The following ASTN2 variants were observed in gnomAD, a reference collection of about 807,000 sequenced individuals.
ASTN2 encodes the protein astrotactin 2.
A neutral mutation model predicts 139.8 loss-of-function variants in ASTN2; 54 were observed. The observed-to-expected ratio is 0.39, with a 90% CI of 0.31 to 0.48. ASTN2 has a LOEUF of 0.48. ASTN2 is among the 20% of genes least tolerant of loss of function. The probability of loss-of-function intolerance (pLI) is 0.95; values close to 1 mark genes in which losing one functional copy is unlikely to be tolerated. For synonymous variants in ASTN2, 756 were observed against 719.5 expected (o/e 1.05, Z -0.81); for missense variants, 1,565 against 1,725.1 (o/e 0.91, Z 1.64).
chr9:117,196,797 T>C (rs1831518651), intron 3 of ASTN2, among the ~76,000 whole-genome samples: 1 of 152,180 alleles, frequency 6.6e-6, no homozygotes, highest in African/African-American at 2.4e-5. Context: ...TATAAAATGA[T>C]AACAACGATA....
At chr9:116,484,977 G>A (rs141697954) in intron 20 of ASTN2, among the ~76,000 whole-genome samples, 4 of 152,258 alleles carry the variant, frequency 2.6e-5, no homozygotes, top group South Asian at 2.1e-4. Flanking sequence ...CCCCTACAGC[G>A]TCACCCAGAG....
rs770486164 is a variant in ASTN2 at position 117,414,799 on chromosome 9, AGCGGCG to A, written c.134_139del (p.Pro45_Pro46del). 2.4e-6 allele frequency: 3 copies of A among 1,231,684 alleles called. No homozygotes were observed. The highest frequency in any genetic ancestry group is 3.2e-5 in the African/African-American group (2 of 62,086). The allele number at this position is 1,231,684 out of a possible 1,614,324, so 76.3% of individuals were successfully genotyped here. A position where few individuals can be genotyped will look rare whatever the true frequency, so the allele number is the denominator to read the frequency against. On this transcript the variant is annotated inframe_deletion, in exon 1 of 23. Transcript: ENST00000313400. This position sits in a 1 kb window ranked among gnomAD's most constrained non-coding sequence, Gnocchi z 4.2. ...GGCAGCGGCGGTGGCGCCGGCCAGC[AGCGGCG>A]GCGGCGGCAGCAGGAGCAGGAACAG...
At chr9:117,259,560 T>C (rs1833773365) in intron 2 of ASTN2, among the ~76,000 whole-genome samples, 1 of 152,190 alleles carries the variant, frequency 6.6e-6, no homozygotes, top group South Asian at 2.1e-4. Flanking sequence ...TTCATCTGCA[T>C]TATAAAACCT....
intron 2 of ASTN2, among the ~76,000 whole-genome samples, chr9:117,221,207 C>A (rs886655139): frequency 1.3e-5 from 2 of 152,078 alleles, no homozygotes; most frequent in African/African-American, 4.8e-5. Flanking sequence ...AATGCCAGTG[C>A]CTTCAGCTGG....
At chr9:117,375,550 TAG>T (rs1178645446) in intron 1 of ASTN2, among the ~76,000 whole-genome samples, 1 of 152,236 alleles carries the variant, frequency 6.6e-6, no homozygotes, top group African/African-American at 2.4e-5. Flanking sequence ...TAAATCCTAT[TAG>T]AGTCATCATT....
chr9:116,580,266 G>A lies in ASTN2; in HGVS notation c.3355+38058C>T, dbSNP rs375342712. ...ACATATACAGAGCAGAAGAGGCAGA[G>A]GTATGGGGCAGGGGAGAGGAAACAG... On this transcript the variant is annotated intron_variant, in intron 19 of 22. Transcript: ENST00000313400. 2.9e-4 allele frequency among the ~76,000 whole-genome samples: 44 copies of A among 152,330 alleles called. 2 individuals are homozygous for A. The highest frequency in any genetic ancestry group is 9.9e-4 in the African/African-American group (41 of 41,584).
chr9:117,385,464 G>A (rs1232612945), intron 1 of ASTN2, among the ~76,000 whole-genome samples: 3 of 152,224 alleles, frequency 2.0e-5, no homozygotes, highest in Non-Finnish European at 2.9e-5. Context: ...GGGGAGGCAA[G>A]GGGAGGGGAA....
At chr9:116,999,554 T>C (rs1428992189) in intron 7 of ASTN2, among the ~76,000 whole-genome samples, 1,769 of 61,506 alleles carry the variant, frequency 0.029, 116 homozygotes, top group African/African-American at 0.079. Flanking sequence ...CTTTCTTTTT[T>C]TTTTTTTTTT....
At chr9:116,477,997 G>C (rs1849043631) in intron 20 of ASTN2, among the ~76,000 whole-genome samples, 1 of 150,734 alleles carries the variant, frequency 6.6e-6, no homozygotes, top group Non-Finnish European at 1.5e-5. Flanking sequence ...AGAGGGCAGA[G>C]GGGGAAATAA....
At chr9:117,034,211 G>C (rs1202273240) in intron 6 of ASTN2, among the ~76,000 whole-genome samples, 1 of 152,080 alleles carries the variant, frequency 6.6e-6, no homozygotes, top group Admixed American at 6.6e-5. Flanking sequence ...GACCACATTG[G>C]GTGAATATAT....
chr9:117,111,788 C>T (rs1473070547), intron 4 of ASTN2, among the ~76,000 whole-genome samples: 1 of 151,932 alleles, frequency 6.6e-6, no homozygotes, highest in Non-Finnish European at 1.5e-5. Flanking sequence ...TATAGACACC[C>T]TTGCTTTAGC....
intron 16 of ASTN2, among the ~76,000 whole-genome samples, chr9:116,703,831 C>G (rs149375059): frequency 6.6e-6 from 1 of 152,050 alleles, no homozygotes; most frequent in South Asian, 2.1e-4. Context: ...GACTAGGATG[C>G]TGATTTGCAC....
intron 11 of ASTN2, among the ~76,000 whole-genome samples, chr9:116,839,881 A>ATTTTT (rs71502081): frequency 1.1e-3 from 137 of 127,966 alleles, no homozygotes; most frequent in South Asian, 3.3e-3. Context: ...TATTATTATT[A>ATTTTT]TTTTTTTTTT....
chr9:116,509,804 C>T (rs544733020), intron 19 of ASTN2, among the ~76,000 whole-genome samples: 3 of 152,282 alleles, frequency 2.0e-5, no homozygotes, highest in Non-Finnish European at 4.4e-5. Context: ...GCATAAATGT[C>T]TTCTTTCAAG....
At chr9:116,708,013 T>A (rs951772973) in intron 16 of ASTN2, among the ~76,000 whole-genome samples, 1 of 152,148 alleles carries the variant, frequency 6.6e-6, no homozygotes, top group Non-Finnish European at 1.5e-5. Context: ...GAGTAATAAA[T>A]TAAAATTGAA....
rs140637518 is a variant in ASTN2 at position 117,413,365 on chromosome 9, A to G, written c.442+1132T>C. On this transcript the variant is annotated intron_variant, in intron 1 of 22. Transcript: ENST00000313400. ...GCCCGAGGCGGATCCCGCCGAGGAA[A>G]AGACCCGGGGAAGAAGAGCTCCGGG... Among the ~76,000 whole-genome samples, 334 of 152,292 alleles carry G rather than the reference A, an allele frequency of 2.2e-3. 1 individual carries two copies. Among genetic ancestry groups the G allele is most frequent in the African/African-American group, 6.1e-3 (255 of 41,558 alleles).
At chr9:117,016,223 C>G (rs953257634) in intron 6 of ASTN2, among the ~76,000 whole-genome samples, 3 of 152,042 alleles carry the variant, frequency 2.0e-5, no homozygotes. Flanking sequence ...AAGATCCCCT[C>G]TGGGATTAGT....
At chr9:116,473,948 T>C (rs900715873) in intron 20 of ASTN2, among the ~76,000 whole-genome samples, 2 of 152,058 alleles carry the variant, frequency 1.3e-5, no homozygotes, top group East Asian at 3.9e-4. Context: ...ATGTACTTGG[T>C]ATGTGTTTAA....
intron 3 of ASTN2, among the ~76,000 whole-genome samples, chr9:117,146,123 C>T (rs1474340118): frequency 6.6e-6 from 1 of 152,106 alleles, no homozygotes; most frequent in Non-Finnish European, 1.5e-5. Context: ...TACAACTCCC[C>T]CTATCCCTGA....
Sources: allele counts gnomAD v4.1 joint callset (sites outside exome capture counted in the v4.1 genomes callset), GRCh38; gene constraint gnomAD v4.1.1; non-coding constraint Gnocchi (gnomAD v3.1); transcripts MANE v1.5; gene names NCBI Gene and HGNC (gene_info 2026-07-23, HGNC 2026-07-21).